HS6ST2: variants seen among roughly 807,000 people sequenced by gnomAD.
HS6ST2 encodes the protein heparan sulfate 6-O-sulfotransferase 2.
In HS6ST2, 17 loss-of-function variants were observed where a neutral mutation model predicts 33.0. The ratio of observed to expected loss-of-function variants is 0.52; its 90% CI spans 0.35 to 0.77. The LOEUF (loss-of-function observed/expected upper bound fraction) is 0.77, where lower values mean the gene tolerates loss of function less well. HS6ST2 is among the 30% of genes least tolerant of loss of function. The pLI, the probability that HS6ST2 is intolerant of heterozygous loss-of-function variation, is 0.01. For missense variants in HS6ST2, 519 were observed against 551.7 expected (o/e 0.94, Z 0.59); for synonymous variants, 248 against 237.1 (o/e 1.05, Z -0.42).
chrX:132,714,045 G>A (rs1422365897), intron 2 of HS6ST2, among the ~76,000 whole-genome samples: 1 of 111,928 alleles, frequency 8.9e-6, no homozygotes, highest in African/African-American at 3.3e-5. Flanking sequence ...CATAAACACG[G>A]AGCTATTCTA....
rs145316865 is a variant in HS6ST2 at position 132,869,585 on chromosome X, A to T, written c.947+87223T>A. ...TATCCACCATGATCAAGTCAGCTTCATTCCTGGGAAGCAAGGCTGGTTCAA... is the reference window on the plus strand; with the variant it reads ...TATCCACCATGATCAAGTCAGCTTCTTTCCTGGGAAGCAAGGCTGGTTCAA... On this transcript the variant is annotated intron_variant, in intron 2 of 4. Coordinates refer to ENST00000370833, the MANE Select transcript of HS6ST2 (RefSeq NM_001394073.1). Among the ~76,000 whole-genome samples the T allele has an allele frequency of 2.8e-3, 309 of 112,345 alleles. 3 individuals are homozygous for T. Among genetic ancestry groups the T allele is most frequent in the African/African-American group, 9.5e-3 (294 of 30,986 alleles).
intron 2 of HS6ST2, among the ~76,000 whole-genome samples, chrX:132,741,655 C>T (rs2064581958): frequency 9.0e-6 from 1 of 111,064 alleles, no homozygotes; most frequent in Non-Finnish European, 1.9e-5. Context: ...CAGTTTTGGG[C>T]AAGTTACCAC....
intron 2 of HS6ST2, among the ~76,000 whole-genome samples, chrX:132,814,355 C>A (rs1339732290): frequency 8.9e-6 from 1 of 111,837 alleles, no homozygotes; most frequent in African/African-American, 3.3e-5. Context: ...AGAGAGACTT[C>A]AGTTTGAATC....
intron 2 of HS6ST2, among the ~76,000 whole-genome samples, chrX:132,746,801 C>T (rs1602634756): frequency 8.9e-6 from 1 of 111,885 alleles, no homozygotes; most frequent in Admixed American, 9.5e-5. Context: ...CACAGGTGGG[C>T]CTATGGCAGA....
chrX:132,917,374 G>A (rs928114458), intron 2 of HS6ST2, among the ~76,000 whole-genome samples: 36 of 111,325 alleles, frequency 3.2e-4, no homozygotes, highest in East Asian at 8.5e-4. Context: ...TGAGGCGGGC[G>A]GATCACTTGA....
chrX:132,865,575 C>A (rs1439403868), intron 2 of HS6ST2, among the ~76,000 whole-genome samples: 5 of 110,916 alleles, frequency 4.5e-5, no homozygotes, highest in Non-Finnish European at 9.4e-5. Context: ...AATGGTTGAA[C>A]TAGTTTACAG....
At chrX:132,903,560 T>C (rs2066444421) in intron 2 of HS6ST2, among the ~76,000 whole-genome samples, 1 of 111,841 alleles carries the variant, frequency 8.9e-6, no homozygotes, top group Admixed American at 9.5e-5. Context: ...CAATAAAATA[T>C]GGTGTTGGCA....
intron 2 of HS6ST2, among the ~76,000 whole-genome samples, chrX:132,771,489 T>C (rs2064899246): frequency 1.8e-5 from 2 of 111,928 alleles, no homozygotes; most frequent in South Asian, 7.5e-4. Flanking sequence ...GATGAGATGT[T>C]ATTTTTTTCC....
intron 4 of HS6ST2, among the ~76,000 whole-genome samples, chrX:132,665,916 C>T (rs2063806601): frequency 1.8e-5 from 2 of 111,525 alleles, no homozygotes; most frequent in Non-Finnish European, 3.8e-5. Context: ...GCTTCACATC[C>T]AGGCAATGAA....
intron 2 of HS6ST2, among the ~76,000 whole-genome samples, chrX:132,787,920 A>G (rs2065082728): frequency 9.0e-6 from 1 of 110,782 alleles, no homozygotes; most frequent in African/African-American, 3.3e-5. Context: ...TTTTGGATGA[A>G]TTGATGACAT....
intron 2 of HS6ST2, among the ~76,000 whole-genome samples, chrX:132,902,952 G>A (rs755180734): frequency 4.0e-4 from 45 of 111,679 alleles, no homozygotes; most frequent in Non-Finnish European, 2.4e-4. Context: ...GTTTTAGGTA[G>A]GCCAATTAGG....
chrX:132,883,737 C>T (rs1021333380), intron 2 of HS6ST2, among the ~76,000 whole-genome samples: 4 of 111,013 alleles, frequency 3.6e-5, no homozygotes, highest in African/African-American at 1.3e-4. Context: ...ATAAAAGGAG[C>T]AGGACTTCAG....
At chrX:132,661,875 T>C (rs2063776702) in intron 4 of HS6ST2, among the ~76,000 whole-genome samples, 1 of 110,546 alleles carries the variant, frequency 9.0e-6, no homozygotes, top group Non-Finnish European at 1.9e-5. Context: ...ACAAAAAAAT[T>C]AGCCAGGCAT....
At chrX:132,828,678 T>TA (rs2065551003) in intron 2 of HS6ST2, among the ~76,000 whole-genome samples, 2 of 53,242 alleles carry the variant, frequency 3.8e-5, no homozygotes, top group African/African-American at 9.2e-5. Context: ...ATATCATATT[T>TA]TATATATATA....
intron 2 of HS6ST2, among the ~76,000 whole-genome samples, chrX:132,936,163 T>C (rs1397558636): frequency 9.0e-6 from 1 of 110,987 alleles, no homozygotes; most frequent in Non-Finnish European, 1.9e-5. Context: ...AATACTATCC[T>C]TTAACAATAA....
chrX:132,883,262 C>G (rs933165143), intron 2 of HS6ST2, among the ~76,000 whole-genome samples: 2 of 110,894 alleles, frequency 1.8e-5, no homozygotes, highest in Admixed American at 9.6e-5. Flanking sequence ...TGGTCCTGGA[C>G]TTTTTTTGGC....
At chrX:132,678,163 G>A (rs1283764153) in intron 3 of HS6ST2, among the ~76,000 whole-genome samples, 1 of 111,630 alleles carries the variant, frequency 9.0e-6, no homozygotes, top group Non-Finnish European at 1.9e-5. Flanking sequence ...AGACCAGCTT[G>A]GGCAACATAG....
intron 2 of HS6ST2, among the ~76,000 whole-genome samples, chrX:132,726,427 A>C (rs1289881814): frequency 8.9e-6 from 1 of 112,735 alleles, no homozygotes; most frequent in Non-Finnish European, 1.9e-5. Context: ...GATCTCTCCC[A>C]AAACACAGTC....
intron 3 of HS6ST2, among the ~76,000 whole-genome samples, chrX:132,674,961 T>C (rs995007722): frequency 3.6e-5 from 4 of 111,700 alleles, no homozygotes; most frequent in African/African-American, 1.3e-4. Flanking sequence ...ATGCCTGGCA[T>C]GGCAAAAGAA....
Sources: gnomAD v4.1 joint callset for allele counts (sites outside exome capture counted in the v4.1 genomes callset) on GRCh38, gnomAD v4.1.1 for gene constraint, MANE v1.5 for transcripts, NCBI Gene and HGNC (gene_info 2026-07-23, HGNC 2026-07-21) for gene names.